The following RSRC1 variants were observed in gnomAD, a reference collection of about 807,000 sequenced individuals.
RSRC1 encodes serine/Arginine-related protein 53.
RSRC1 carries 39 observed loss-of-function variants against 49.1 expected under a neutral mutation model. That is an observed-to-expected ratio of 0.79 (90% CI 0.61 to 1.04). RSRC1 has a LOEUF of 1.04. RSRC1 is among the 50% of genes least tolerant of loss of function. RSRC1 has a pLI of 0.00. For synonymous variants in RSRC1, 143 were observed against 130.8 expected, an observed-to-expected ratio of 1.09 and a Z score of -0.63; for missense variants, 388 against 402.4, an observed-to-expected ratio of 0.96 and a Z score of 0.31.
At chr3:158,330,095 A>C (rs1174583464) in intron 5 of RSRC1, among the ~76,000 whole-genome samples, 1 of 152,190 alleles carries the variant, frequency 6.6e-6, no homozygotes, top group Non-Finnish European at 1.5e-5. Flanking sequence ...GTGCAGTATT[A>C]GGGTGGGAGT....
intron 7 of RSRC1, among the ~76,000 whole-genome samples, chr3:158,527,844 T>G (rs1712138990): frequency 1.3e-5 from 2 of 151,978 alleles, no homozygotes; most frequent in South Asian, 4.1e-4. Context: ...CCTAATTCAT[T>G]ATAAAAAGTA....
chr3:158,226,415 G>A (rs1405741968), intron 4 of RSRC1, among the ~76,000 whole-genome samples: 1 of 151,888 alleles, frequency 6.6e-6, no homozygotes, highest in Non-Finnish European at 1.5e-5. Context: ...TTAGTAATCA[G>A]CATAATAAAT....
At chr3:158,272,142 A>G (rs1725553358) in intron 4 of RSRC1, among the ~76,000 whole-genome samples, 3 of 152,166 alleles carry the variant, frequency 2.0e-5, no homozygotes, top group Non-Finnish European at 4.4e-5. Flanking sequence ...ACCGGCAGAT[A>G]AATGCCCATA....
At chr3:158,122,383 A>G in intron 2 of RSRC1, 85 bp downstream of exon 2, 2 of 1,094,814 alleles carry the variant, frequency 1.8e-6, no homozygotes, top group Non-Finnish European at 2.5e-6. Flanking sequence ...TTTGCTAGAT[A>G]AAACATTTTT....
rs932481629 is a variant in RSRC1 at position 158,508,079 on chromosome 3, C to CA, written c.653-29004dup. On this transcript the variant is annotated intron_variant, in intron 7 of 9. Coordinates refer to ENST00000611884, the MANE Select transcript of RSRC1 (RefSeq NM_001271838.2). ...TAGAATGAGAGAGAGAGTCTGTCTA[C>CA]AAAAAAAAATTAAATTTTATAAATA... is the stretch of plus-strand genomic sequence containing the variant. Among the ~76,000 whole-genome samples, 28 of 150,570 alleles carry CA rather than the reference C, an allele frequency of 1.9e-4. 1 individual carries two copies. The highest frequency in any genetic ancestry group is 2.5e-4 in the Non-Finnish European group (17 of 67,602).
chr3:158,470,321 A>AACACACACACACACACACAC (rs375305594), intron 7 of RSRC1, among the ~76,000 whole-genome samples: 5 of 136,846 alleles, frequency 3.7e-5, no homozygotes, highest in Non-Finnish European at 3.1e-5. Flanking sequence ...TGCTCTTAGA[A>AACACACACACACACACACAC]ACACACACAC....
At chr3:158,242,828 G>A (rs1160158672) in intron 4 of RSRC1, among the ~76,000 whole-genome samples, 1 of 151,740 alleles carries the variant, frequency 6.6e-6, no homozygotes, top group African/African-American at 2.4e-5. Context: ...TTTTTTTCAT[G>A]TTTGTTGGTC....
At chr3:158,290,309 G>T (rs901195308) in intron 4 of RSRC1, among the ~76,000 whole-genome samples, 2 of 151,954 alleles carry the variant, frequency 1.3e-5, no homozygotes, top group Non-Finnish European at 2.9e-5. Flanking sequence ...GTCTTGCTCT[G>T]TCTCCCAGGC....
intron 7 of RSRC1, among the ~76,000 whole-genome samples, chr3:158,493,227 A>C (rs1375043870): frequency 6.6e-6 from 1 of 152,220 alleles, no homozygotes; most frequent in Non-Finnish European, 1.5e-5. Context: ...CATTGTTCAC[A>C]ACTAAGCAGT....
chr3:158,525,561 C>G (rs1437538034), intron 7 of RSRC1, among the ~76,000 whole-genome samples: 1 of 151,930 alleles, frequency 6.6e-6, no homozygotes, highest in Non-Finnish European at 1.5e-5. Context: ...GCAGTATTTA[C>G]TATCCAAGAG....
At chr3:158,144,766 TC>T (rs1184214587) in intron 3 of RSRC1, among the ~76,000 whole-genome samples, 2 of 152,176 alleles carry the variant, frequency 1.3e-5, no homozygotes, top group Admixed American at 6.5e-5. Context: ...GTAAAAGTGT[TC>T]CTATTTCTCC....
chr3:158,527,750 CAA>C (rs1712132697), intron 7 of RSRC1, among the ~76,000 whole-genome samples: 2 of 151,996 alleles, frequency 1.3e-5, no homozygotes, highest in African/African-American at 4.8e-5. Flanking sequence ...TTTTGAAATT[CAA>C]AGTTATTATT....
chr3:158,479,410 AT>A (rs1738521636), intron 7 of RSRC1, among the ~76,000 whole-genome samples: 1 of 151,826 alleles, frequency 6.6e-6, no homozygotes, highest in Non-Finnish European at 1.5e-5. Context: ...GCCCTATTCC[AT>A]TCATTTTGTA....
intron 7 of RSRC1, among the ~76,000 whole-genome samples, chr3:158,503,410 T>C (rs903971050): frequency 4.6e-5 from 7 of 152,122 alleles, no homozygotes; most frequent in Non-Finnish European, 8.8e-5. Context: ...GCTGTGGTAG[T>C]ATGGAGAGGA....
chr3:158,220,124 A>T (rs1446304862), intron 4 of RSRC1, among the ~76,000 whole-genome samples: 3 of 151,618 alleles, frequency 2.0e-5, no homozygotes, highest in Non-Finnish European at 3.0e-5. Context: ...ACTACTTCAT[A>T]TGTTTGCATG....
chr3:158,133,127 GA>G (rs768877986), intron 3 of RSRC1, among the ~76,000 whole-genome samples: 25 of 152,196 alleles, frequency 1.6e-4, no homozygotes, highest in South Asian at 1.4e-3. Flanking sequence ...AATGTAATAT[GA>G]AAAACTAATT....
intron 5 of RSRC1, among the ~76,000 whole-genome samples, chr3:158,341,760 G>T (rs1199273880): frequency 4.6e-5 from 7 of 152,158 alleles, no homozygotes; most frequent in Non-Finnish European, 7.3e-5. Flanking sequence ...TTGACAGCTT[G>T]AACCGTGTGC....
chr3:158,124,128 G>T (rs1216880122), intron 3 of RSRC1, 137 bp downstream of exon 3: 2 of 511,128 alleles, frequency 3.9e-6, no homozygotes, highest in Non-Finnish European at 6.3e-6. Context: ...TCTCACCTGG[G>T]GTCATTCATG....
At chr3:158,246,895 T>C (rs1423925005) in intron 4 of RSRC1, among the ~76,000 whole-genome samples, 1 of 152,190 alleles carries the variant, frequency 6.6e-6, no homozygotes, top group Non-Finnish European at 1.5e-5. Flanking sequence ...TGTGGGGTTC[T>C]CTGCATTTTC....
Sources: gnomAD v4.1 joint callset for allele counts (sites outside exome capture counted in the v4.1 genomes callset) on GRCh38, gnomAD v4.1.1 for gene constraint, MANE v1.5 for transcripts, NCBI Gene and HGNC (gene_info 2026-07-23, HGNC 2026-07-21) for gene names.